The following SUGCT variants were observed in gnomAD, a reference collection of about 807,000 sequenced individuals.
SUGCT encodes the protein succinyl-CoA:glutarate-CoA transferase, also known as succinyl-CoA:glutarate CoA-transferase.
A neutral mutation model predicts 55.0 loss-of-function variants in SUGCT; 41 were observed. The observed-to-expected ratio is 0.74, with a 90% CI of 0.58 to 0.97. SUGCT has a LOEUF of 0.97. Ranked by LOEUF, SUGCT falls within the 50% of genes least tolerant of loss-of-function variation. The probability of loss-of-function intolerance (pLI) is 0.00; values close to 1 mark genes in which losing one functional copy is unlikely to be tolerated. For synonymous variants in SUGCT, 187 were observed against 200.4 expected (o/e 0.93, Z 0.56); for missense variants, 568 against 547.8 (o/e 1.04, Z -0.37).
intron 13 of SUGCT, among the ~76,000 whole-genome samples, chr7:40,764,826 G>A (rs1048268708): frequency 5.3e-5 from 8 of 152,136 alleles, no homozygotes; most frequent in African/African-American, 1.9e-4. Context: ...ATTTCTTGGA[G>A]AGGAGTAAGA....
rs1394777629 is a variant in SUGCT, at chr7:40,677,487, C to A, written c.1090-71947C>A. 5.9e-5 allele frequency among the ~76,000 whole-genome samples: 9 copies of A among 152,176 alleles called. No individual in the cohort carries two copies. The East Asian group carries it at 1.7e-3, about 29-fold the overall frequency. ...CTTTTCACCCTCATGCATGTCACAT[C>A]CCTGCTGTAAGATAGCTACCTCAAC... On this transcript the variant is annotated intron_variant, in intron 12 of 13. Transcript: ENST00000335693.
chr7:40,767,834 T>G lies in SUGCT; in HGVS notation c.1153+18337T>G, dbSNP rs915487853. 7.9e-5 allele frequency among the ~76,000 whole-genome samples: 12 copies of G among 152,266 alleles called. 1 individual carries two copies. Among genetic ancestry groups the G allele is most frequent in the Admixed American group, 3.9e-4 (6 of 15,300 alleles). On this transcript the variant is annotated intron_variant, in intron 13 of 13. Transcript: ENST00000335693. ...AAAGCAGAATTCAATTCCTGACATT[T>G]AAGAAAGAAAAAGCCAAGAACGAGA...
At chr7:40,465,517 G>A (rs1790054952) in intron 11 of SUGCT, among the ~76,000 whole-genome samples, 2 of 152,222 alleles carry the variant, frequency 1.3e-5, no homozygotes, top group Admixed American at 1.3e-4. Context: ...AGCCGAGGAA[G>A]GAGAATTGCT....
intron 9 of SUGCT, among the ~76,000 whole-genome samples, chr7:40,389,630 T>C (rs1009555985): frequency 6.6e-6 from 1 of 152,138 alleles, no homozygotes; most frequent in African/African-American, 2.4e-5. Flanking sequence ...GACAAAGCAA[T>C]AAGGTAAATA....
chr7:40,857,125 C>G (rs1794215597), intron 13 of SUGCT, among the ~76,000 whole-genome samples: 1 of 152,014 alleles, frequency 6.6e-6, no homozygotes. Flanking sequence ...TGTTAGTTTG[C>G]CAAAAAATTT....
intron 9 of SUGCT, among the ~76,000 whole-genome samples, chr7:40,413,426 A>T (rs1786801185): frequency 6.6e-6 from 1 of 152,198 alleles, no homozygotes; most frequent in Non-Finnish European, 1.5e-5. Flanking sequence ...TTCATCCACC[A>T]AAATAAACTC....
chr7:40,341,415 A>AG (rs1461875185), intron 9 of SUGCT, among the ~76,000 whole-genome samples: 4 of 152,132 alleles, frequency 2.6e-5, no homozygotes, highest in African/African-American at 7.2e-5. Flanking sequence ...GTATTAATAG[A>AG]GAAAAAAAAA....
chr7:40,585,046 A>C (rs1797303803), intron 12 of SUGCT, among the ~76,000 whole-genome samples: 2 of 152,206 alleles, frequency 1.3e-5, no homozygotes, highest in African/African-American at 4.8e-5. Context: ...AGTTCTCAGA[A>C]TCCTCCTTGA....
At chr7:40,325,489 T>G (rs1795981843) in intron 9 of SUGCT, among the ~76,000 whole-genome samples, 1 of 152,162 alleles carries the variant, frequency 6.6e-6, no homozygotes, top group African/African-American at 2.4e-5. Flanking sequence ...ATTTATAAAA[T>G]TTTTGCTTAT....
At chr7:40,603,667 A>AG (rs1452645322) in intron 12 of SUGCT, among the ~76,000 whole-genome samples, 7 of 152,192 alleles carry the variant, frequency 4.6e-5, no homozygotes, top group African/African-American at 1.4e-4. Context: ...CCCTGGGTTT[A>AG]GGGTGTAAGT....
chr7:40,882,722 G>C, the SUGCT span, among the ~76,000 whole-genome samples: 2 of 152,136 alleles, frequency 1.3e-5, no homozygotes, highest in Admixed American at 1.3e-4. Flanking sequence ...AAAAAACAAT[G>C]AAACAAAGTA....
rs370326297 is a variant in SUGCT at position 40,359,340 on chromosome 7, G to A, written c.816+42485G>A. Among the ~76,000 whole-genome samples, 297 of 152,244 alleles carry A rather than the reference G, an allele frequency of 2.0e-3. 12 individuals are homozygous for A. In the South Asian group the frequency reaches 0.058, roughly 30 times the overall value. On this transcript the variant is annotated intron_variant, in intron 9 of 13. Transcript: ENST00000335693. ...CTGTCTAAGCCTCCCGAGTAGCTGGGATTACAGACATGTGCCACCACACCT... is the reference window on the plus strand; with the variant it reads ...CTGTCTAAGCCTCCCGAGTAGCTGGAATTACAGACATGTGCCACCACACCT...
rs375417984 is a variant in SUGCT at position 40,347,102 on chromosome 7, G to A, written c.816+30247G>A. Among the ~76,000 whole-genome samples, 54 of 152,342 alleles carry A rather than the reference G, an allele frequency of 3.5e-4. No individual in the cohort carries two copies. The South Asian group carries it at 0.011, about 30-fold the overall frequency. On this transcript the variant is annotated intron_variant, in intron 9 of 13. Coordinates refer to ENST00000335693, the MANE Select transcript of SUGCT (RefSeq NM_001193313.2). ...TGGTTGATGGGTAGAGGCTGGAAGAGTTTGAGGTGCATGACAGAGAAAGCC... is the reference window on the plus strand; with the variant it reads ...TGGTTGATGGGTAGAGGCTGGAAGAATTTGAGGTGCATGACAGAGAAAGCC...
chr7:40,613,139 A>T (rs1390995308), intron 12 of SUGCT, among the ~76,000 whole-genome samples: 1 of 152,094 alleles, frequency 6.6e-6, no homozygotes, highest in Non-Finnish European at 1.5e-5. Flanking sequence ...TCTAAAAAAA[A>T]AATCCTTGGA....
chr7:40,522,912 T>C (rs999933229), intron 12 of SUGCT, among the ~76,000 whole-genome samples: 1 of 152,106 alleles, frequency 6.6e-6, no homozygotes. Flanking sequence ...TTCCAAAAAA[T>C]TTTAGAATTC....
At chr7:40,422,890 T>C (rs1787388425) in intron 9 of SUGCT, among the ~76,000 whole-genome samples, 1 of 151,962 alleles carries the variant, frequency 6.6e-6, no homozygotes, top group African/African-American at 2.4e-5. Flanking sequence ...CATTCTTCAT[T>C]TTGAGAAATG....
intron 12 of SUGCT, among the ~76,000 whole-genome samples, chr7:40,639,230 G>A (rs553456749): frequency 4.5e-4 from 68 of 152,248 alleles, no homozygotes; most frequent in African/African-American, 1.5e-3. Context: ...GGGCTAGATC[G>A]TAAACTGTGA....
intron 13 of SUGCT, among the ~76,000 whole-genome samples, chr7:40,837,056 G>A (rs1793021258): frequency 6.6e-6 from 1 of 152,026 alleles, no homozygotes; most frequent in Non-Finnish European, 1.5e-5. Context: ...ATCCCCAACA[G>A]CAATGTATGA....
intron 13 of SUGCT, among the ~76,000 whole-genome samples, chr7:40,785,406 G>T (rs1056611592): frequency 3.3e-5 from 5 of 152,162 alleles, no homozygotes; most frequent in Admixed American, 1.3e-4. Flanking sequence ...ATTAAAGAAA[G>T]CTTAGTCCCA....
Sources: allele counts gnomAD v4.1 joint callset (sites outside exome capture counted in the v4.1 genomes callset), GRCh38; gene constraint gnomAD v4.1.1; transcripts MANE v1.5; gene names NCBI Gene and HGNC (gene_info 2026-07-23, HGNC 2026-07-21).